Variants in COLEC10 observed in about 807,000 individuals in gnomAD.
COLEC10 encodes the protein collectin subfamily member 10, also known as collectin-10.
In COLEC10, 22 loss-of-function variants were observed where a neutral mutation model predicts 28.4. That is an observed-to-expected ratio of 0.78 (90% CI 0.55 to 1.11). The LOEUF (loss-of-function observed/expected upper bound fraction) is 1.11. COLEC10 is among the 50% of genes least tolerant of loss of function. The pLI is 0.00. For synonymous variants in COLEC10, 125 were observed against 116.1 expected, an observed-to-expected ratio of 1.08 and a Z score of -0.49; for missense variants, 361 against 344.1, an observed-to-expected ratio of 1.05 and a Z score of -0.39.
intron 1 of COLEC10, among the ~76,000 whole-genome samples, chr8:119,072,920 C>G (rs7001108): frequency 0.012 from 1,840 of 152,288 alleles, 43 homozygotes; most frequent in African/African-American, 0.042. Flanking sequence ...GGACATGGCT[C>G]TGGATCCCAG....
chr8:118,965,469 C>A, the COLEC10 span, among the ~76,000 whole-genome samples: 5 of 152,046 alleles, frequency 3.3e-5, no homozygotes, highest in Non-Finnish European at 7.4e-5. Flanking sequence ...GCTCTTCTTG[C>A]CCCATTTTCC....
intron 2 of COLEC10, among the ~76,000 whole-genome samples, chr8:119,021,737 G>A (rs778942201): frequency 1.2e-4 from 19 of 152,132 alleles, no homozygotes; most frequent in Non-Finnish European, 2.5e-4. Flanking sequence ...AAACAAGCCT[G>A]GCCCTCGTAG....
chr8:119,085,644 G>A (rs1237109885), intron 1 of COLEC10, among the ~76,000 whole-genome samples: 2 of 72,690 alleles, frequency 2.8e-5, no homozygotes, highest in Admixed American at 4.2e-4. Flanking sequence ...TGTTGTTGCT[G>A]TTGAGATGCA....
chr8:118,958,904 A>T, the COLEC10 span, among the ~76,000 whole-genome samples: 1 of 152,202 alleles, frequency 6.6e-6, no homozygotes, highest in Non-Finnish European at 1.5e-5. Flanking sequence ...CTTTGAAATT[A>T]TGTACCCTCA....
the COLEC10 span, among the ~76,000 whole-genome samples, chr8:118,971,229 C>A: frequency 2.0e-5 from 3 of 151,936 alleles, no homozygotes; most frequent in South Asian, 6.2e-4. Flanking sequence ...CCTTCACTCC[C>A]AAACTCCAAC....
chr8:118,983,686 T>C, the COLEC10 span, among the ~76,000 whole-genome samples: 6 of 152,040 alleles, frequency 3.9e-5, no homozygotes, highest in South Asian at 2.1e-4. Flanking sequence ...TATGAACAGA[T>C]ACTTTTCAAA....
At chr8:118,996,410 A>G (rs901569260) in intron 1 of COLEC10, among the ~76,000 whole-genome samples, 1 of 152,186 alleles carries the variant, frequency 6.6e-6, no homozygotes, top group Non-Finnish European at 1.5e-5. Context: ...TGATAGTTCT[A>G]TTTTTAATTT....
chr8:119,007,774 C>A (rs1474901877), intron 1 of COLEC10, among the ~76,000 whole-genome samples: 1 of 150,846 alleles, frequency 6.6e-6, no homozygotes, highest in Non-Finnish European at 1.5e-5. Flanking sequence ...TCAGCATATC[C>A]AATATGTACC....
chr8:119,008,228 G>T (rs1463704127), intron 1 of COLEC10, among the ~76,000 whole-genome samples: 1 of 150,666 alleles, frequency 6.6e-6, no homozygotes, highest in Non-Finnish European at 1.5e-5. Context: ...TTTATGTGTG[G>T]CTCTAATTAA....
At chr8:119,000,292 T>G (rs1442773664) in intron 1 of COLEC10, among the ~76,000 whole-genome samples, 1 of 151,950 alleles carries the variant, frequency 6.6e-6, no homozygotes, top group East Asian at 1.9e-4. Flanking sequence ...AAAAAGGTGG[T>G]ACAGAGGAGA....
intron 2 of COLEC10, among the ~76,000 whole-genome samples, chr8:119,034,264 T>C (rs909745456): frequency 1.3e-5 from 2 of 151,938 alleles, no homozygotes; most frequent in African/African-American, 4.8e-5. Context: ...TGGGGAGGGA[T>C]AGCATTTGGA....
chr8:119,079,308 G>T (rs192876407), intron 1 of COLEC10, among the ~76,000 whole-genome samples: 75 of 152,278 alleles, frequency 4.9e-4, no homozygotes, highest in Non-Finnish European at 8.2e-4. Context: ...CTGACTTGCT[G>T]ATGAGCAAAC....
At chr8:119,038,699 A>G (rs1196375048) in intron 2 of COLEC10, among the ~76,000 whole-genome samples, 1 of 152,188 alleles carries the variant, frequency 6.6e-6, no homozygotes, top group Non-Finnish European at 1.5e-5. Context: ...TGAATCTATC[A>G]CTGTCATTCA....
intron 2 of COLEC10, among the ~76,000 whole-genome samples, chr8:119,013,452 T>C (rs906386257): frequency 2.0e-5 from 3 of 150,766 alleles, no homozygotes; most frequent in East Asian, 1.9e-4. Context: ...TTGGATGAAA[T>C]AGTCTCTAGA....
At chr8:119,100,040 T>TA (rs1466585625) in intron 3 of COLEC10, among the ~76,000 whole-genome samples, 12 of 152,294 alleles carry the variant, frequency 7.9e-5, no homozygotes, top group African/African-American at 2.9e-4. Context: ...TATAATGTTT[T>TA]AAAAAATCAA....
chr8:119,028,594 T>A (rs569698043), intron 2 of COLEC10, among the ~76,000 whole-genome samples: 37 of 152,322 alleles, frequency 2.4e-4, no homozygotes, highest in African/African-American at 8.7e-4. Flanking sequence ...GCTACCATCA[T>A]TCAATCACCT....
chr8:119,084,111 G>C (rs1381409031), intron 1 of COLEC10, among the ~76,000 whole-genome samples: 1 of 152,158 alleles, frequency 6.6e-6, no homozygotes, highest in Non-Finnish European at 1.5e-5. Flanking sequence ...CCATCACAAA[G>C]CTATTAAAGT....
At chr8:118,988,955 GCAAAACAAAA>G in the COLEC10 span, among the ~76,000 whole-genome samples, 1 of 151,892 alleles carries the variant, frequency 6.6e-6, no homozygotes, top group African/African-American at 2.4e-5. Context: ...ATGCCAAAAG[GCAAAACAAAA>G]CAAAACAAAA....
At chr8:119,078,905 G>A (rs1464655692) in intron 1 of COLEC10, among the ~76,000 whole-genome samples, 1 of 152,006 alleles carries the variant, frequency 6.6e-6, no homozygotes, top group East Asian at 1.9e-4. Flanking sequence ...ACTGAAATGA[G>A]TTTGAGAGAG....
Sources: gnomAD v4.1 joint callset for allele counts (sites outside exome capture counted in the v4.1 genomes callset) on GRCh38, gnomAD v4.1.1 for gene constraint, MANE v1.5 for transcripts, NCBI Gene and HGNC (gene_info 2026-07-23, HGNC 2026-07-21) for gene names.